SLCO4A1: variants seen among roughly 807,000 people sequenced by gnomAD.
SLCO4A1 encodes colon organic anion transporter.
Under a neutral mutation model 64.6 loss-of-function variants are expected in SLCO4A1, and 51 were observed. That is an observed-to-expected ratio of 0.79 (90% CI 0.63 to 1.00). The LOEUF (loss-of-function observed/expected upper bound fraction) is 1.00. Among genes scored for constraint, SLCO4A1 ranks in the 50% least tolerant of loss-of-function variants. SLCO4A1 has a pLI of 0.00. For missense variants in SLCO4A1, 919 were observed against 980.5 expected (o/e 0.94, Z 0.84); for synonymous variants, 471 against 444.9 (o/e 1.06, Z -0.74).
chr20:62,657,892 G>C (rs369500246), intron 2 of SLCO4A1, among the ~76,000 whole-genome samples: 1 of 152,212 alleles, frequency 6.6e-6, no homozygotes, highest in Non-Finnish European at 1.5e-5. Context: ...AGCTATCTAA[G>C]AGTAAAGATC....
intron 2 of SLCO4A1, among the ~76,000 whole-genome samples, chr20:62,678,890 C>T (rs1021270111): frequency 6.6e-6 from 1 of 152,142 alleles, no homozygotes; most frequent in Non-Finnish European, 1.5e-5. Context: ...AAGCCGTTGC[C>T]AGGGGCTGGG....
intron 2 of SLCO4A1, among the ~76,000 whole-genome samples, chr20:62,679,737 T>A (rs1270569064): frequency 6.6e-6 from 1 of 152,200 alleles, no homozygotes; most frequent in East Asian, 1.9e-4. Context: ...CTGTTTCTCA[T>A]TCCAAGATTC....
In SLCO4A1 at chr20:62,654,042, TA is replaced by T. The variant is rs950859333; in HGVS notation, c.-96-2308del. Reference sequence around the variant, plus strand: ...TACCCTAGAACTTAAAGTATAATAATAAAAAAAAATAGTTTATTCCCACCAG... The same window carrying T: ...TACCCTAGAACTTAAAGTATAATAATAAAAAAAATAGTTTATTCCCACCAG... On this transcript the variant is annotated intron_variant, in intron 1 of 11. Coordinates refer to ENST00000217159, the MANE Select transcript of SLCO4A1 (RefSeq NM_016354.4). Among the ~76,000 whole-genome samples the T allele has an allele frequency of 1.9e-3, 286 of 151,288 alleles. 3 individuals carry two copies. The highest frequency in any genetic ancestry group is 6.3e-3 in the African/African-American group (261 of 41,180).
rs1984773149 is a variant in SLCO4A1 at position 62,661,270 on chromosome 20, G to A, written c.1121+95G>A. ...GTTGAGACCCCTCCGGGATCATGAT[G>A]GGGACGCAGCCCCTAACCTCTGTCG... On this transcript the variant is annotated intron_variant, in intron 5 of 11. Coordinates refer to ENST00000217159, the MANE Select transcript of SLCO4A1 (RefSeq NM_016354.4). The surrounding 1 kb of genome is among the most constrained non-coding windows in gnomAD (Gnocchi z 5.2). 2 of 853,068 alleles carry A rather than the reference G, an allele frequency of 2.3e-6. No homozygotes were observed. Among genetic ancestry groups the A allele is most frequent in the Admixed American group, 1.8e-5 (1 of 54,140 alleles). The allele number at this position is 853,068 out of a possible 1,614,324, so 52.8% of individuals were successfully genotyped here.
intron 1 of SLCO4A1, chr20:62,650,472 G>A (rs911803831): frequency 2.6e-5 from 4 of 152,262 alleles, no homozygotes; most frequent in Non-Finnish European, 5.9e-5. Context: ...AACCAAAGGT[G>A]TGGGCTGCCG....
At chr20:62,670,703 C>T (rs1438843100) in intron 11 of SLCO4A1, among the ~76,000 whole-genome samples, 1 of 152,246 alleles carries the variant, frequency 6.6e-6, no homozygotes, top group Non-Finnish European at 1.5e-5. Flanking sequence ...CCTCCACACG[C>T]AGCCATCCCC....
chr20:62,677,997 G>A (rs1199319985), intron 2 of SLCO4A1, among the ~76,000 whole-genome samples: 3 of 152,232 alleles, frequency 2.0e-5, no homozygotes, highest in Non-Finnish European at 4.4e-5. Flanking sequence ...AAGTAAGGAT[G>A]CTGTTTTCAG....
chr20:62,652,855 G>T (rs1235570434), intron 1 of SLCO4A1, among the ~76,000 whole-genome samples: 2 of 152,240 alleles, frequency 1.3e-5, no homozygotes, highest in Non-Finnish European at 2.9e-5. Flanking sequence ...AGTGTCCAAG[G>T]TCAACAGCGG....
chr20:62,668,363 TG>T lies in SLCO4A1; in HGVS notation c.1812-105del, dbSNP rs540969508. The T allele has an allele frequency of 2.0e-3, 2,449 of 1,213,986 alleles. 1 individual carries two copies. The highest frequency in any genetic ancestry group is 2.5e-3 in the Non-Finnish European group (2,099 of 829,534). 75.2% of individuals were successfully genotyped at this position (1,213,986 alleles called of 1,614,324 possible). On this transcript the variant is annotated intron_variant, in intron 9 of 11. Coordinates refer to ENST00000217159, the MANE Select transcript of SLCO4A1 (RefSeq NM_016354.4). ...GATCTCTGACGAGGGGCTTCCCACT[TG>T]GGGGGGGGTGATGATGTGGCTGGGG...
chr20:62,689,267 G>A (rs540530582), downstream of SLCO4A1, among the ~76,000 whole-genome samples: 10 of 102,660 alleles, frequency 9.7e-5, no homozygotes, highest in South Asian at 9.5e-4. Context: ...CCCGTTCCTC[G>A]CAGGCCTGTC....
downstream of SLCO4A1, among the ~76,000 whole-genome samples, chr20:62,687,212 A>G (rs1231488534): frequency 6.6e-6 from 1 of 151,612 alleles, no homozygotes; most frequent in Admixed American, 6.6e-5. Context: ...ACCCCCAAAC[A>G]GGAGCGGGGG....
Position 62,646,710 on chromosome 20 carries a change from C to T in SLCO4A1, c.-97+4157C>T, listed in dbSNP as rs543392756. On this transcript the variant is annotated intron_variant, in intron 1 of 11. Transcript: ENST00000217159. ...ACTTTGAGTAGGACGCTCAGTGGCT[C>T]ATTCTCATTCTCATGATGTCTCTGT... Among the ~76,000 whole-genome samples the T allele has an allele frequency of 4.6e-5, 7 of 152,360 alleles. No homozygotes were observed. In the East Asian group the frequency reaches 1.4e-3, roughly 29 times the overall value.
chr20:62,683,769 GT>G (rs1987941323), intron 2 of SLCO4A1, among the ~76,000 whole-genome samples: 1 of 152,214 alleles, frequency 6.6e-6, no homozygotes, highest in Non-Finnish European at 1.5e-5. Flanking sequence ...ACTCTGCGGT[GT>G]TCGCAACCAA....
chr20:62,677,843 G>A (rs1463028199), intron 2 of SLCO4A1, among the ~76,000 whole-genome samples: 1 of 152,238 alleles, frequency 6.6e-6, no homozygotes, highest in Non-Finnish European at 1.5e-5. Context: ...TCTGGCACCA[G>A]CTGTCAGCCA....
chr20:62,658,806 C>T (rs1309636710), intron 3 of SLCO4A1, 39 bp downstream of exon 3: 5 of 1,509,126 alleles, frequency 3.3e-6, no homozygotes, highest in Non-Finnish European at 3.6e-6. Flanking sequence ...GCTGGAGAGG[C>T]CCACGTGTCT....
In SLCO4A1 at chr20:62,666,758, A is replaced by G. The variant is rs1012151658; in HGVS notation, c.1472+183A>G. 13 of 615,476 alleles carry G rather than the reference A, an allele frequency of 2.1e-5. No homozygotes were observed. The African/African-American group carries it at 2.4e-4, about 11-fold the overall frequency. The allele number at this position is 615,476 out of a possible 1,614,324, so 38.1% of individuals were successfully genotyped here. On this transcript the variant is annotated intron_variant, in intron 7 of 11. Coordinates refer to ENST00000217159, the MANE Select transcript of SLCO4A1 (RefSeq NM_016354.4). ...GGCAGCATCCACGTGAAAAGGCACCATGCCAGCCCCCAGCAGTGCCTGCGC... is the reference window on the plus strand; with the variant it reads ...GGCAGCATCCACGTGAAAAGGCACCGTGCCAGCCCCCAGCAGTGCCTGCGC...
rs536259576 is a variant in SLCO4A1 at position 62,668,867 on chromosome 20, C to G, written c.1877-63C>G. The G allele has an allele frequency of 4.6e-6, 7 of 1,531,030 alleles. No homozygotes were observed. The South Asian group carries it at 7.1e-5, about 15-fold the overall frequency. 94.8% of individuals were successfully genotyped at this position (1,531,030 alleles called of 1,614,324 possible). A position where few individuals can be genotyped will look rare whatever the true frequency, so the allele number is the denominator to read the frequency against. ...CCCATCATTCCAGGCCTCTTGGCTG[C>G]CTGCCCCCTGCCTAGCCCCTACCCA... is the stretch of plus-strand genomic sequence containing the variant. On this transcript the variant is annotated intron_variant, in intron 10 of 11. Coordinates refer to ENST00000217159, the MANE Select transcript of SLCO4A1 (RefSeq NM_016354.4).
At chr20:62,689,769 G>A (rs1988172889), downstream of SLCO4A1, among the ~76,000 whole-genome samples, 1 of 152,248 alleles carries the variant, frequency 6.6e-6, no homozygotes. Context: ...CAAGCTGCCC[G>A]ATTCCTTGTG....
Position 62,656,502 on chromosome 20 carries a change from C to A in SLCO4A1, c.48C>A (p.Pro16=). 1 of 1,548,542 alleles carries A rather than the reference C, an allele frequency of 6.5e-7. No homozygotes were observed. The highest frequency in any genetic ancestry group is 2.4e-5 in the East Asian group (1 of 42,532). The change falls in exon 2 of 12, where the codon CCC becomes CCA. Residue 16 remains proline (P), a synonymous_variant. Coordinates refer to ENST00000217159, the MANE Select transcript of SLCO4A1 (RefSeq NM_016354.4). ...LGDKPLTFPS[P]NSAMENGLDH... ...ACAAGCCGCTCACCTTCCCCAGCCC[C>A]AACTCAGCCATGGAAAACGGGCTTG...
Sources: allele counts gnomAD v4.1 joint callset (sites outside exome capture counted in the v4.1 genomes callset), GRCh38; gene constraint gnomAD v4.1.1; non-coding constraint Gnocchi (gnomAD v3.1); transcripts MANE v1.5; gene names NCBI Gene and HGNC (gene_info 2026-07-23, HGNC 2026-07-21).